The following MBNL2 variants were observed in gnomAD, a reference collection of about 807,000 sequenced individuals.
MBNL2 encodes the protein muscleblind-like protein 2.
Under a neutral mutation model 41.9 loss-of-function variants are expected in MBNL2, and 17 were observed. The observed-to-expected ratio is 0.41, with a 90% confidence interval of 0.28 to 0.61. The LOEUF is 0.61. Among genes scored for constraint, MBNL2 ranks in the 20% least tolerant of loss-of-function variants. The probability of loss-of-function intolerance (pLI) is 0.35; values close to 1 mark genes in which losing one functional copy is unlikely to be tolerated. For missense variants in MBNL2, 336 were observed against 505.6 expected (o/e 0.66, Z 3.22); for synonymous variants, 195 against 182.9 (o/e 1.07, Z -0.53).
At chr13:97,354,720 T>A (rs993800684) in intron 5 of MBNL2, among the ~76,000 whole-genome samples, 1 of 152,256 alleles carries the variant, frequency 6.6e-6, no homozygotes, top group Non-Finnish European at 1.5e-5. Context: ...ATTAAATGAT[T>A]CTTTGTTAAG....
chr13:97,317,639 C>T (rs2059166403), intron 2 of MBNL2, among the ~76,000 whole-genome samples: 1 of 152,212 alleles, frequency 6.6e-6, no homozygotes, highest in Non-Finnish European at 1.5e-5. Flanking sequence ...CTCCCTGTAA[C>T]AGGGCAGTCC....
chr13:97,236,372 T>C (rs576204027), intron 1 of MBNL2, among the ~76,000 whole-genome samples: 18 of 152,198 alleles, frequency 1.2e-4, no homozygotes, highest in African/African-American at 4.1e-4. Flanking sequence ...ATGCTTTCCC[T>C]TGGGGTTGGG....
chr13:97,233,965 A>G (rs1241023888), intron 1 of MBNL2, among the ~76,000 whole-genome samples: 3 of 152,178 alleles, frequency 2.0e-5, no homozygotes, highest in Non-Finnish European at 2.9e-5. Context: ...AGATCTACCC[A>G]ACTGACAAAA....
the MBNL2 span, among the ~76,000 whole-genome samples, chr13:97,203,050 T>C: frequency 1.3e-5 from 2 of 152,200 alleles, no homozygotes; most frequent in Non-Finnish European, 2.9e-5. Flanking sequence ...AGGAGTGACA[T>C]GATTAGAGTA....
chr13:97,193,550 T>G, the MBNL2 span, among the ~76,000 whole-genome samples: 1 of 152,254 alleles, frequency 6.6e-6, no homozygotes, highest in Non-Finnish European at 1.5e-5. Context: ...TATTTGAACC[T>G]CAATTATTTT....
At chr13:97,193,351 G>A in the MBNL2 span, among the ~76,000 whole-genome samples, 3 of 152,216 alleles carry the variant, frequency 2.0e-5, no homozygotes, top group Admixed American at 6.5e-5. Flanking sequence ...AGTTGAGGGC[G>A]AGATGTGGCA....
At chr13:97,361,630 T>TG (rs763796765) in intron 7 of MBNL2, among the ~76,000 whole-genome samples, 7 of 152,130 alleles carry the variant, frequency 4.6e-5, no homozygotes, top group Non-Finnish European at 1.0e-4. Flanking sequence ...TAGCCCAGTG[T>TG]GGCTACAGGA....
rs375886164 is a variant in MBNL2 at position 97,268,939 on chromosome 13, C to T, written c.-604-6693C>T. Among the ~76,000 whole-genome samples the T allele has an allele frequency of 3.9e-5, 6 of 152,084 alleles. No individual in the cohort carries two copies. The highest frequency in any genetic ancestry group is 7.2e-5 in the African/African-American group (3 of 41,408). On this transcript the variant is annotated intron_variant, in intron 1 of 8. Coordinates refer to ENST00000679496, the MANE Select transcript of MBNL2 (RefSeq NM_001382683.1). This position sits in a 1 kb window ranked among gnomAD's most constrained non-coding sequence, Gnocchi z 4.6. Reference sequence around the variant, plus strand: ...GGAGAGGGTGTCAAAAGGGAAAGGACGAAGGAGGGGGCGCTGTTCCGGATG... The same window carrying T: ...GGAGAGGGTGTCAAAAGGGAAAGGATGAAGGAGGGGGCGCTGTTCCGGATG...
chr13:97,211,041 A>ATT, the MBNL2 span, among the ~76,000 whole-genome samples: 1 of 152,068 alleles, frequency 6.6e-6, no homozygotes, highest in Non-Finnish European at 1.5e-5. Flanking sequence ...GGTACATAAC[A>ATT]TTTGATGCAT....
intron 8 of MBNL2, among the ~76,000 whole-genome samples, chr13:97,390,014 T>G (rs1310472285): frequency 6.6e-6 from 1 of 152,180 alleles, no homozygotes; most frequent in East Asian, 1.9e-4. Flanking sequence ...ATTAATTTTA[T>G]TCATGTCTGT....
chr13:97,321,185 A>T (rs938033447), intron 2 of MBNL2, among the ~76,000 whole-genome samples: 1 of 152,184 alleles, frequency 6.6e-6, no homozygotes, highest in Non-Finnish European at 1.5e-5. Context: ...GCCTTGTCAC[A>T]GTATATTTAT....
At position 97,366,355 on chromosome 13, in the gene MBNL2, C is replaced by T; in HGVS notation, c.1048+1184C>T. ...TTGCATGCCATCTGCTGGTTTAACC[C>T]ATGATGGCTTGCTGCTCTGATATTC... On this transcript the variant is annotated intron_variant, in intron 8 of 8. Transcript: ENST00000679496. The surrounding 1 kb of genome is among the most constrained non-coding windows in gnomAD (Gnocchi z 4.7). 3.1e-6 allele frequency: 2 copies of T among 645,148 alleles called. No homozygotes were observed. Among genetic ancestry groups the T allele is most frequent in the South Asian group, 2.1e-5 (1 of 47,028 alleles). The allele number at this position is 645,148 out of a possible 1,614,324, so 40.0% of individuals were successfully genotyped here. A position where few individuals can be genotyped will look rare whatever the true frequency, so the allele number is the denominator to read the frequency against.
intron 2 of MBNL2, among the ~76,000 whole-genome samples, chr13:97,327,232 T>C (rs2153050559): frequency 6.6e-6 from 1 of 152,284 alleles, no homozygotes. Flanking sequence ...TGATTTTGAC[T>C]TAATTCACCA....
At chr13:97,327,504 C>T (rs911948809) in intron 2 of MBNL2, among the ~76,000 whole-genome samples, 4 of 139,328 alleles carry the variant, frequency 2.9e-5, no homozygotes, top group Non-Finnish European at 6.0e-5. Flanking sequence ...CAGGATCACC[C>T]CTATTTGACA....
intron 2 of MBNL2, among the ~76,000 whole-genome samples, chr13:97,327,186 C>A (rs1350343941): frequency 2.6e-5 from 4 of 152,134 alleles, no homozygotes; most frequent in South Asian, 4.1e-4. Flanking sequence ...AAGCTGTGTA[C>A]ACTGTGGGTA....
At chr13:97,288,001 T>G (rs1338101781) in intron 2 of MBNL2, among the ~76,000 whole-genome samples, 2 of 149,336 alleles carry the variant, frequency 1.3e-5, no homozygotes, top group African/African-American at 4.9e-5. Flanking sequence ...CTCGAACTCC[T>G]GACCTCAAAC....
At chr13:97,293,767 T>G (rs551263064) in intron 2 of MBNL2, among the ~76,000 whole-genome samples, 1 of 152,302 alleles carries the variant, frequency 6.6e-6, no homozygotes, top group South Asian at 2.1e-4. Context: ...CAATTAACCT[T>G]TTTTTCAATA....
intron 3 of MBNL2, among the ~76,000 whole-genome samples, chr13:97,336,401 T>C (rs2060887141): frequency 6.6e-6 from 1 of 152,146 alleles, no homozygotes; most frequent in South Asian, 2.1e-4. Context: ...AATGTCACCT[T>C]ATAAGGAATC....
chr13:97,184,204 A>G, the MBNL2 span, among the ~76,000 whole-genome samples: 2 of 152,364 alleles, frequency 1.3e-5, no homozygotes, highest in South Asian at 2.1e-4. Flanking sequence ...CCTACAAGAT[A>G]TAGAGAGTAT....
Sources: allele counts gnomAD v4.1 joint callset (sites outside exome capture counted in the v4.1 genomes callset), GRCh38; gene constraint gnomAD v4.1.1; non-coding constraint Gnocchi (gnomAD v3.1); transcripts MANE v1.5; gene names NCBI Gene and HGNC (gene_info 2026-07-23, HGNC 2026-07-21).